The following KCNS3 variants were observed in gnomAD, a reference collection of about 807,000 sequenced individuals.
KCNS3 encodes the protein potassium voltage-gated channel modifier subfamily S member 3.
KCNS3 carries 13 observed loss-of-function variants against 31.0 expected under a neutral mutation model. That is an observed-to-expected ratio of 0.42 (90% CI 0.27 to 0.67). The LOEUF (loss-of-function observed/expected upper bound fraction) is 0.67. Among genes scored for constraint, KCNS3 ranks in the 30% least tolerant of loss-of-function variants. KCNS3 has a pLI of 0.25. For synonymous variants in KCNS3, 238 were observed against 241.5 expected (o/e 0.99, Z 0.13); for missense variants, 545 against 622.4 (o/e 0.88, Z 1.32).
At chr2:17,888,912 T>G (rs911993872) in intron 1 of KCNS3, among the ~76,000 whole-genome samples, 4 of 151,786 alleles carry the variant, frequency 2.6e-5, no homozygotes, top group African/African-American at 9.7e-5. Flanking sequence ...TTATATGGGC[T>G]CTTTTTTGGT....
chr2:17,896,704 C>T (rs1662036792), intron 1 of KCNS3, among the ~76,000 whole-genome samples: 1 of 151,264 alleles, frequency 6.6e-6, no homozygotes, highest in Non-Finnish European at 1.5e-5. Flanking sequence ...GTTCCTTCTG[C>T]CAGCTTCTTC....
intron 1 of KCNS3, among the ~76,000 whole-genome samples, chr2:17,885,163 A>G (rs1258305452): frequency 6.6e-6 from 1 of 152,150 alleles, no homozygotes. Context: ...GCTTAAATAG[A>G]GAGACACTAA....
At chr2:17,922,985 A>G (rs1662753928) in intron 2 of KCNS3, among the ~76,000 whole-genome samples, 1 of 152,202 alleles carries the variant, frequency 6.6e-6, no homozygotes, top group Admixed American at 6.5e-5. Flanking sequence ...GCTGGGTCAT[A>G]TGGTAAACCT....
chr2:17,911,952 G>C (rs1348265161), intron 1 of KCNS3, among the ~76,000 whole-genome samples: 2 of 152,164 alleles, frequency 1.3e-5, no homozygotes, highest in African/African-American at 4.8e-5. Context: ...CATGTAAAAA[G>C]CACAGGGCCA....
At chr2:17,918,825 T>C (rs939920229) in intron 2 of KCNS3, among the ~76,000 whole-genome samples, 1 of 152,158 alleles carries the variant, frequency 6.6e-6, no homozygotes, top group Non-Finnish European at 1.5e-5. Context: ...TGTACACAAA[T>C]GGGCTATGGG....
chr2:17,930,101 C>T (rs878885600), intron 2 of KCNS3, among the ~76,000 whole-genome samples: 4 of 152,120 alleles, frequency 2.6e-5, no homozygotes, highest in Admixed American at 1.3e-4. Flanking sequence ...AAACAGGCCA[C>T]GTGCTCAGCC....
chr2:17,912,993 T>G (rs1662505351), intron 1 of KCNS3, among the ~76,000 whole-genome samples: 1 of 152,212 alleles, frequency 6.6e-6, no homozygotes, highest in Non-Finnish European at 1.5e-5. Context: ...TGGAGGGATA[T>G]TCTTAGTCAT....
intron 2 of KCNS3, among the ~76,000 whole-genome samples, chr2:17,930,388 T>C (rs967342237): frequency 1.3e-5 from 2 of 152,194 alleles, no homozygotes; most frequent in African/African-American, 4.8e-5. Context: ...GGAGTAGGGC[T>C]TTCTCTTAAA....
intron 1 of KCNS3, among the ~76,000 whole-genome samples, chr2:17,903,312 T>C (rs1291244911): frequency 6.6e-6 from 1 of 152,170 alleles, no homozygotes; most frequent in Non-Finnish European, 1.5e-5. Flanking sequence ...GGAGCTCATA[T>C]TGGAGTGGAG....
intron 1 of KCNS3, among the ~76,000 whole-genome samples, chr2:17,905,474 C>A (rs563091660): frequency 2.0e-3 from 301 of 152,278 alleles, no homozygotes; most frequent in African/African-American, 6.8e-3. Flanking sequence ...CCTGATTGCC[C>A]TGGCCAGAAT....
At chr2:17,879,264 C>G (rs1384657718) in intron 1 of KCNS3, 8 of 152,222 alleles carry the variant, frequency 5.3e-5, no homozygotes, top group Non-Finnish European at 1.0e-4. Context: ...TTCCCTTCCT[C>G]GAGAGGAGGC....
At chr2:17,910,800 A>G (rs1189538229) in intron 1 of KCNS3, among the ~76,000 whole-genome samples, 1 of 152,112 alleles carries the variant, frequency 6.6e-6, no homozygotes, top group Admixed American at 6.5e-5. Flanking sequence ...CCTCTCCCAT[A>G]GACATCTCTT....
chr2:17,912,826 A>G (rs1295728149), intron 1 of KCNS3, among the ~76,000 whole-genome samples: 10 of 152,246 alleles, frequency 6.6e-5, no homozygotes, highest in Non-Finnish European at 1.2e-4. Context: ...TGCTTTAGAA[A>G]GCACTTACTG....
intron 2 of KCNS3, among the ~76,000 whole-genome samples, chr2:17,925,089 C>A (rs1358692771): frequency 6.3e-5 from 8 of 127,160 alleles, no homozygotes; most frequent in African/African-American, 2.4e-4. Context: ...CTAGTGTAAA[C>A]TAAAAATAAA....
At chr2:17,911,227 C>G (rs1662464796) in intron 1 of KCNS3, among the ~76,000 whole-genome samples, 2 of 152,174 alleles carry the variant, frequency 1.3e-5, no homozygotes, top group African/African-American at 4.8e-5. Flanking sequence ...CCCATTTACC[C>G]TCCTTTTTGT....
rs1225132300 is a variant in KCNS3 at position 17,917,847 on chromosome 2, A to C, written c.-84A>C. The stretch of plus-strand genomic sequence containing the variant: ...GTCCCACCGGGCAGGATGAAGGCAG[A>C]GCGTGTGGCATCTCCACCTCAAGGG... On this transcript the variant is annotated 5_prime_UTR_variant, in exon 2 of 3. Transcript: ENST00000304101. 6.5e-6 allele frequency: 1 copy of C among 152,748 alleles called. No individual in the cohort carries two copies. The highest frequency in any genetic ancestry group is 1.5e-5 in the Non-Finnish European group (1 of 68,102). The allele number at this position is 152,748 out of a possible 1,614,324, so 9.5% of individuals were successfully genotyped here. A position where few individuals can be genotyped will look rare whatever the true frequency, so the allele number is the denominator to read the frequency against.
At chr2:17,885,489 A>G (rs939218596) in intron 1 of KCNS3, among the ~76,000 whole-genome samples, 3 of 152,228 alleles carry the variant, frequency 2.0e-5, no homozygotes, top group Non-Finnish European at 4.4e-5. Context: ...AATTATGGAG[A>G]CTGGCAAGTC....
intron 1 of KCNS3, among the ~76,000 whole-genome samples, chr2:17,913,931 T>C (rs1662528193): frequency 1.3e-5 from 2 of 152,192 alleles, no homozygotes; most frequent in African/African-American, 4.8e-5. Flanking sequence ...AAGAATTACC[T>C]GACCCCACAA....
At chr2:17,899,115 G>A (rs10177831) in intron 1 of KCNS3, among the ~76,000 whole-genome samples, 74,775 of 151,696 alleles carry the variant, frequency 0.49, 18,960 homozygotes, top group Middle Eastern at 0.57. Context: ...ATTCCCAGCT[G>A]CTCAGGAGGC....
Sources: allele counts gnomAD v4.1 joint callset (sites outside exome capture counted in the v4.1 genomes callset), GRCh38; gene constraint gnomAD v4.1.1; transcripts MANE v1.5; gene names NCBI Gene and HGNC (gene_info 2026-07-23, HGNC 2026-07-21).